The following MLPH variants were observed in gnomAD, a reference collection of about 807,000 sequenced individuals.
MLPH encodes exophilin-3.
MLPH carries 51 observed loss-of-function variants against 72.1 expected under a neutral mutation model. The ratio of observed to expected loss-of-function variants is 0.71; its 90% CI spans 0.56 to 0.89. The LOEUF is 0.89. Ranked by LOEUF, MLPH falls within the 40% of genes least tolerant of loss-of-function variation. The pLI, the probability that MLPH is intolerant of heterozygous loss-of-function variation, is 0.00. For missense variants in MLPH, 743 were observed against 759.9 expected (o/e 0.98, Z 0.26); for synonymous variants, 301 against 310.1 (o/e 0.97, Z 0.31).
intron 9 of MLPH, among the ~76,000 whole-genome samples, chr2:237,538,506 C>CTCGAAGAA (rs1237658127): frequency 6.6e-6 from 1 of 152,172 alleles, no homozygotes; most frequent in East Asian, 1.9e-4. Flanking sequence ...AGGAGCTGCC[C>CTCGAAGAA]TCGAAGAATC....
At chr2:237,545,415 G>A in intron 12 of MLPH, 5 of 1,271,502 alleles carry the variant, frequency 3.9e-6, no homozygotes, top group Non-Finnish European at 4.1e-6. Context: ...CCTTTGTTGG[G>A]GTTCATTTTT....
rs973967580 is a variant in MLPH, at chr2:237,549,341, ACCAGTCGC to A, written c.1675+64_1675+71del. On this transcript the variant is annotated intron_variant, in intron 14 of 15. Transcript: ENST00000264605. ...GAAATGAGCTTCGGGGAGGAAAATG[ACCAGTCGC>A]AGCTCTGTGTGTTTCTTCATTATCT... The A allele has an allele frequency of 4.4e-5, 60 of 1,375,234 alleles. No homozygotes were observed. The East Asian group carries it at 9.4e-4, about 21-fold the overall frequency. The allele number at this position is 1,375,234 out of a possible 1,614,324, so 85.2% of individuals were successfully genotyped here. A position where few individuals can be genotyped will look rare whatever the true frequency, so the allele number is the denominator to read the frequency against.
intron 2 of MLPH, among the ~76,000 whole-genome samples, chr2:237,509,844 C>T (rs2079852551): frequency 6.6e-6 from 1 of 152,164 alleles, no homozygotes; most frequent in Admixed American, 6.5e-5. Context: ...CTTCAGAGTT[C>T]TCAGAAGACA....
At chr2:237,499,371 T>C (rs1172697337) in intron 2 of MLPH, among the ~76,000 whole-genome samples, 1 of 152,168 alleles carries the variant, frequency 6.6e-6, no homozygotes, top group African/African-American at 2.4e-5. Flanking sequence ...TCTTCAGTCT[T>C]ATTAGTCACA....
intron 1 of MLPH, among the ~76,000 whole-genome samples, 186 bp downstream of exon 1, chr2:237,487,623 C>A (rs368458684): frequency 1.7e-4 from 26 of 152,382 alleles, no homozygotes; most frequent in African/African-American, 6.0e-4. Context: ...GCCTTAGTCC[C>A]CCAGGCTTCA....
intron 8 of MLPH, among the ~76,000 whole-genome samples, chr2:237,528,399 G>A (rs948367615): frequency 6.6e-5 from 10 of 151,312 alleles, no homozygotes; most frequent in African/African-American, 2.4e-4. Flanking sequence ...GGCCCAGGCT[G>A]GAGTGTAATG....
chr2:237,546,874 TG>T (rs1413332050), intron 13 of MLPH, among the ~76,000 whole-genome samples, 191 bp downstream of exon 13: 1 of 152,196 alleles, frequency 6.6e-6, no homozygotes, highest in Middle Eastern at 3.2e-3. Context: ...GGCACACACC[TG>T]AGCTGGATTT....
intron 8 of MLPH, 37 bp downstream of exon 8, chr2:237,527,553 C>A: frequency 6.2e-7 from 1 of 1,613,444 alleles, no homozygotes; most frequent in Admixed American, 1.7e-5. Context: ...CTTGTCGTTT[C>A]TTTGGGTGGA....
intron 6 of MLPH, among the ~76,000 whole-genome samples, chr2:237,521,920 G>C (rs1249117072): frequency 1.6e-4 from 19 of 121,516 alleles, no homozygotes; most frequent in African/African-American, 5.6e-4. Context: ...TACAACTATA[G>C]TGCTGGAGCG....
chr2:237,519,091 T>TTTGTTTG (rs371522923), intron 5 of MLPH, among the ~76,000 whole-genome samples: 1 of 148,434 alleles, frequency 6.7e-6, no homozygotes. Context: ...TTGTTTGTTT[T>TTTGTTTG]TTTTTGCCAA....
At chr2:237,549,826 T>C (rs913929218) in intron 14 of MLPH, among the ~76,000 whole-genome samples, 11 of 152,088 alleles carry the variant, frequency 7.2e-5, no homozygotes, top group Admixed American at 7.2e-4. Flanking sequence ...CCCCCAGACA[T>C]TGTTGGACTG....
Position 237,541,205 on chromosome 2 carries a change from G to T in MLPH, c.1446+248G>T, listed in dbSNP as rs904093442. On this transcript the variant is annotated intron_variant, in intron 11 of 15. Coordinates refer to ENST00000264605, the MANE Select transcript of MLPH (RefSeq NM_024101.7). The surrounding 1 kb of genome is among the most constrained non-coding windows in gnomAD (Gnocchi z 5.1). ...TTCAACTTGGTGAGGGACAGGCAGG[G>T]TTTCCACCAAGAAAAAGGTGCTGAA... Among the ~76,000 whole-genome samples, 65 of 152,102 alleles carry T rather than the reference G, an allele frequency of 4.3e-4. No individual in the cohort carries two copies. The highest frequency in any genetic ancestry group is 4.1e-3 in the Admixed American group (63 of 15,274).
chr2:237,548,713 A>G (rs1158602209), intron 13 of MLPH, among the ~76,000 whole-genome samples: 1 of 152,206 alleles, frequency 6.6e-6, no homozygotes, highest in Admixed American at 6.5e-5. Flanking sequence ...CTAAAAATAC[A>G]GAAAAACAAA....
chr2:237,553,062 T>C, intron 15 of MLPH: 1 of 467,240 alleles, frequency 2.1e-6, no homozygotes, highest in South Asian at 1.6e-5. Flanking sequence ...CCCTCCAGAG[T>C]TTTCCCATTG....
intron 2 of MLPH, among the ~76,000 whole-genome samples, chr2:237,507,877 A>C (rs921260974): frequency 6.6e-6 from 1 of 152,212 alleles, no homozygotes; most frequent in African/African-American, 2.4e-5. Flanking sequence ...CTCAAGTGAA[A>C]ATGCTATTTC....
intron 8 of MLPH, among the ~76,000 whole-genome samples, chr2:237,527,964 G>A (rs920205050): frequency 7.9e-5 from 12 of 152,326 alleles, no homozygotes; most frequent in African/African-American, 2.6e-4. Context: ...GGAAAGAAAC[G>A]CTGACACATG....
chr2:237,541,827 A>G lies in MLPH; in HGVS notation c.1447-740A>G, dbSNP rs115235794. On this transcript the variant is annotated intron_variant, in intron 11 of 15. Coordinates refer to ENST00000264605, the MANE Select transcript of MLPH (RefSeq NM_024101.7). The surrounding 1 kb of genome is among the most constrained non-coding windows in gnomAD (Gnocchi z 5.1). ...GGTTCATGAAAAGTGTGATTAAGAC[A>G]ATCAGTGAAGGTGAGCCCCTAGAGT... Among the ~76,000 whole-genome samples the G allele has an allele frequency of 2.8e-3, 421 of 152,350 alleles. 2 individuals are homozygous for G. Among genetic ancestry groups the G allele is most frequent in the African/African-American group, 9.9e-3 (411 of 41,574 alleles).
intron 2 of MLPH, among the ~76,000 whole-genome samples, chr2:237,502,199 A>T (rs1003446824): frequency 2.6e-5 from 4 of 152,230 alleles, no homozygotes; most frequent in Admixed American, 1.3e-4. Context: ...CTTGGGTATT[A>T]AGAAGGTTTT....
chr2:237,527,692 A>G, intron 8 of MLPH, 176 bp downstream of exon 8: 2 of 808,824 alleles, frequency 2.5e-6, no homozygotes, highest in South Asian at 1.7e-5. Flanking sequence ...GTGAATTCAC[A>G]TAACAGAAAA....
Sources: allele counts gnomAD v4.1 joint callset (sites outside exome capture counted in the v4.1 genomes callset), GRCh38; gene constraint gnomAD v4.1.1; non-coding constraint Gnocchi (gnomAD v3.1); transcripts MANE v1.5; gene names NCBI Gene and HGNC (gene_info 2026-07-23, HGNC 2026-07-21).